The following MET variants were observed in gnomAD, a reference collection of about 807,000 sequenced individuals.
MET encodes hepatocyte growth factor receptor.
MET carries 48 observed loss-of-function variants against 133.1 expected under a neutral mutation model. That is an observed-to-expected ratio of 0.36 (90% CI 0.29 to 0.46). The LOEUF is 0.46. MET is among the 20% of genes least tolerant of loss of function. The pLI, the probability that MET is intolerant of heterozygous loss-of-function variation, is 1.00. For missense variants in MET, 1,442 were observed against 1,695.9 expected (o/e 0.85, Z 2.63); for synonymous variants, 628 against 616.5 (o/e 1.02, Z -0.28).
chr7:116,700,922 C>A (rs1394019228), intron 2 of MET, among the ~76,000 whole-genome samples: 1 of 152,158 alleles, frequency 6.6e-6, no homozygotes, highest in East Asian at 1.9e-4. Context: ...CAAGTCCTTC[C>A]TTTAGAGCTT....
At chr7:116,736,708 A>C (rs1361897994) in intron 3 of MET, among the ~76,000 whole-genome samples, 1 of 152,218 alleles carries the variant, frequency 6.6e-6, no homozygotes, top group African/African-American at 2.4e-5. Context: ...GCCCTGCCCC[A>C]AATGTATTAG....
At position 116,763,235 on chromosome 7, in the gene MET, C is replaced by T. The variant is rs1424567821; in HGVS notation, c.2550C>T (p.Ile850=). ...AGCCTTTTGAAAAGCCAGTGATGATCTCAATGGGCAATGAAAATGTACTGG... is the reference window on the plus strand; with the variant it reads ...AGCCTTTTGAAAAGCCAGTGATGATTTCAATGGGCAATGAAAATGTACTGG... ...VFKPFEKPVM[I]SMGNENVLEI... The change falls in exon 11 of 21, where the codon ATC becomes ATT. Residue 850 remains isoleucine (I), a synonymous_variant. Coordinates refer to ENST00000397752, the MANE Select transcript of MET (RefSeq NM_000245.4). 1 of 1,613,890 alleles carries T rather than the reference C, an allele frequency of 6.2e-7. No homozygotes were observed. The highest frequency in any genetic ancestry group is 1.1e-5 in the South Asian group (1 of 91,072).
chr7:116,691,619 C>A (rs1796780505), intron 1 of MET, among the ~76,000 whole-genome samples: 1 of 152,176 alleles, frequency 6.6e-6, no homozygotes, highest in Non-Finnish European at 1.5e-5. Context: ...ACATCAGGAG[C>A]CTGCCTCCCT....
rs1794829007 is a variant in MET, at chr7:116,771,480, T to G, written c.2731-18T>G. 6.2e-7 allele frequency: 1 copy of G among 1,613,472 alleles called. No individual in the cohort carries two copies. Among genetic ancestry groups the G allele is most frequent in the Non-Finnish European group, 8.5e-7 (1 of 1,179,604 alleles). On this transcript the variant is annotated intron_variant, in intron 12 of 20. Coordinates refer to ENST00000397752, the MANE Select transcript of MET (RefSeq NM_000245.4). ...TATCATGGCTAAATGCTGACTTTTCTTTATTTGTCATTTTTAGTGGAAGCA... is the reference window on the plus strand; with the variant it reads ...TATCATGGCTAAATGCTGACTTTTCGTTATTTGTCATTTTTAGTGGAAGCA...
chr7:116,759,621 A>C, intron 10 of MET, 131 bp downstream of exon 10: 2 of 1,046,458 alleles, frequency 1.9e-6, no homozygotes, highest in Non-Finnish European at 2.9e-6. Context: ...CAGTGTAGCC[A>C]AGTAGTATTT....
Position 116,796,159 on chromosome 7 carries a change from T to C in MET, c.*35T>C, listed in dbSNP as rs901963499. 2 of 1,593,770 alleles carry C rather than the reference T, an allele frequency of 1.3e-6. No individual in the cohort carries two copies. Among genetic ancestry groups the C allele is most frequent in the Non-Finnish European group, 8.6e-7 (1 of 1,163,044 alleles). On this transcript the variant is annotated 3_prime_UTR_variant, in exon 21 of 21. Coordinates refer to ENST00000397752, the MANE Select transcript of MET (RefSeq NM_000245.4). ...TATGTCAAAGCAACAGTCCACACTTTGTCCAATGGTTTTTTCACTGCCTGA... is the reference window on the plus strand; with the variant it reads ...TATGTCAAAGCAACAGTCCACACTTCGTCCAATGGTTTTTTCACTGCCTGA...
intron 5 of MET, among the ~76,000 whole-genome samples, chr7:116,749,453 A>G (rs528850278): frequency 2.0e-5 from 3 of 152,310 alleles, no homozygotes; most frequent in South Asian, 2.1e-4. Flanking sequence ...TTGATGGAAC[A>G]TATCTCAAAA....
In MET at chr7:116,795,709, C is replaced by G. The variant is rs267601244; in HGVS notation, c.3853C>G (p.Pro1285Ala). Residue 1285 changes from proline (P) to alanine (A), a missense_variant, in exon 20 of 21, where the codon CCT (proline) becomes GCT (alanine). Coordinates refer to ENST00000397752, the MANE Select transcript of MET (RefSeq NM_000245.4). ...ELMTRGAPPYPDVNTFDITVY... is the reference protein window; with the variant it reads ...ELMTRGAPPYADVNTFDITVY... ...GATGACAAGAGGAGCCCCACCTTATCCTGACGTAAACACCTTTGATATAAC... is the reference window on the plus strand; with the variant it reads ...GATGACAAGAGGAGCCCCACCTTATGCTGACGTAAACACCTTTGATATAAC... 6.2e-7 allele frequency: 1 copy of G among 1,614,118 alleles called. No individual in the cohort carries two copies. The highest frequency in any genetic ancestry group is 8.5e-7 in the Non-Finnish European group (1 of 1,180,022).
At chr7:116,678,056 G>A (rs1796224432) in intron 1 of MET, among the ~76,000 whole-genome samples, 2 of 152,014 alleles carry the variant, frequency 1.3e-5, no homozygotes, top group African/African-American at 4.8e-5. Flanking sequence ...CCCTGCCATT[G>A]AAATTCAAAA....
At chr7:116,711,075 G>A (rs1378002025) in intron 2 of MET, among the ~76,000 whole-genome samples, 1 of 152,146 alleles carries the variant, frequency 6.6e-6, no homozygotes, top group East Asian at 1.9e-4. Context: ...CCAGTGAATG[G>A]CTGGCCAATT....
chr7:116,731,520 A>C, intron 2 of MET, 148 bp from the exon 3 acceptor site: 2 of 766,392 alleles, frequency 2.6e-6, no homozygotes, highest in Non-Finnish European at 4.3e-6. Context: ...GTCCCTAGAA[A>C]TATTTATGCC....
chr7:116,672,837 T>C (rs1796022516), intron 1 of MET, among the ~76,000 whole-genome samples: 1 of 152,094 alleles, frequency 6.6e-6, no homozygotes, highest in Non-Finnish European at 1.5e-5. Flanking sequence ...CAGTGGGTGA[T>C]GTGTGACTGT....
intron 2 of MET, among the ~76,000 whole-genome samples, chr7:116,728,539 C>T (rs1792880179): frequency 6.6e-6 from 1 of 152,180 alleles, no homozygotes; most frequent in Non-Finnish European, 1.5e-5. Context: ...TGAGTTCCTG[C>T]TTGCAGATTC....
intron 19 of MET, among the ~76,000 whole-genome samples, chr7:116,788,512 G>A (rs753036415): frequency 4.6e-5 from 7 of 152,090 alleles, no homozygotes; most frequent in Non-Finnish European, 8.8e-5. Context: ...CAGAGGCCAA[G>A]GCTTCCACCA....
Position 116,796,443 on chromosome 7 carries a change from A to C in MET, c.*319A>C, listed in dbSNP as rs1795681394. 1 of 457,452 alleles carries C rather than the reference A, an allele frequency of 2.2e-6. No homozygotes were observed. The highest frequency in any genetic ancestry group is 1.9e-5 in the African/African-American group (1 of 51,692). The allele number at this position is 457,452 out of a possible 1,614,324, so 28.3% of individuals were successfully genotyped here. A position where few individuals can be genotyped will look rare whatever the true frequency, so the allele number is the denominator to read the frequency against. ...TTGATTTCATATGGGAAATTGAAGC[A>C]GGAAATATTGAGGGCTTCTTGATCA... is the stretch of plus-strand genomic sequence containing the variant. On this transcript the variant is annotated 3_prime_UTR_variant, in exon 21 of 21. Transcript: ENST00000397752.
intron 5 of MET, among the ~76,000 whole-genome samples, chr7:116,752,361 C>T (rs1330140020): frequency 6.6e-6 from 1 of 152,132 alleles, no homozygotes; most frequent in African/African-American, 2.4e-5. Context: ...TGATCTTTCA[C>T]CTGTGAAAAG....
chr7:116,679,403 C>A (rs1056858110), intron 1 of MET, among the ~76,000 whole-genome samples: 6 of 152,136 alleles, frequency 3.9e-5, no homozygotes, highest in Non-Finnish European at 8.8e-5. Flanking sequence ...GAAGCAACTG[C>A]CTTGCAAAGA....
chr7:116,787,220 G>T (rs1425473151), intron 19 of MET, among the ~76,000 whole-genome samples: 1 of 152,170 alleles, frequency 6.6e-6, no homozygotes, highest in Non-Finnish European at 1.5e-5. Flanking sequence ...GGACATGTTA[G>T]TGACAGTGGC....
chr7:116,724,793 A>C (rs1173529820), intron 2 of MET: 1 of 1,287,036 alleles, frequency 7.8e-7, no homozygotes, highest in Admixed American at 2.3e-5. Flanking sequence ...GCTAGATTGG[A>C]GGTGAAGACC....
Sources: allele counts gnomAD v4.1 joint callset (sites outside exome capture counted in the v4.1 genomes callset), GRCh38; gene constraint gnomAD v4.1.1; transcripts MANE v1.5; gene names NCBI Gene and HGNC (gene_info 2026-07-23, HGNC 2026-07-21).